CADM4: variants seen among roughly 807,000 people sequenced by gnomAD.
CADM4 encodes TSLC1-like 2.
CADM4 carries 13 observed loss-of-function variants against 43.9 expected under a neutral mutation model. The observed-to-expected ratio is 0.30, with a 90% CI of 0.19 to 0.47. The LOEUF is 0.47. Ranked by LOEUF, CADM4 falls within the 20% of genes least tolerant of loss-of-function variation. The pLI is 1.00. For missense variants in CADM4, 420 were observed against 527.0 expected (o/e 0.80, Z 1.99); for synonymous variants, 209 against 220.9 (o/e 0.95, Z 0.48).
At position 43,633,784 on chromosome 19, in the gene CADM4, G is replaced by A. The variant is rs148416950; in HGVS notation, c.64+5943C>T. On this transcript the variant is annotated intron_variant, in intron 1 of 8. Coordinates refer to ENST00000222374, the MANE Select transcript of CADM4 (RefSeq NM_145296.2). ...CAACCTTGAACATGTGGGCTCAAGCGATCCTCCCACCTCAGGCTACCAAAT... is the reference window on the plus strand; with the variant it reads ...CAACCTTGAACATGTGGGCTCAAGCAATCCTCCCACCTCAGGCTACCAAAT... Among the ~76,000 whole-genome samples the A allele has an allele frequency of 3.2e-3, 477 of 151,122 alleles. 1 individual carries two copies. The highest frequency in any genetic ancestry group is 0.011 in the African/African-American group (435 of 41,116).
chr19:43,633,626 G>A (rs193176057), intron 1 of CADM4, among the ~76,000 whole-genome samples: 198 of 151,914 alleles, frequency 1.3e-3, no homozygotes, highest in African/African-American at 4.6e-3. Context: ...ATATCTGTTC[G>A]TCTTTCTTCT....
Position 43,627,524 on chromosome 19 carries a change from CCTTT to C in CADM4, c.211+116_211+119del. 7.7e-7 allele frequency: 1 copy of C among 1,295,050 alleles called. No homozygotes were observed. Among genetic ancestry groups the C allele is most frequent in the Non-Finnish European group, 1.0e-6 (1 of 952,554 alleles). 80.2% of individuals were successfully genotyped at this position (1,295,050 alleles called of 1,614,324 possible). Reference sequence around the variant, plus strand: ...AGGACCAGCAGTCCGGGACCCCAGCCCTTTCTTCTCCGAGACCCAGGAGACCAAA... The same window carrying C: ...AGGACCAGCAGTCCGGGACCCCAGCCCTTCTCCGAGACCCAGGAGACCAAA... On this transcript the variant is annotated intron_variant, in intron 2 of 8. Transcript: ENST00000222374. This position sits in a 1 kb window ranked among gnomAD's most constrained non-coding sequence, Gnocchi z 4.0.
chr19:43,639,326 A>C (rs1202001782), intron 1 of CADM4, among the ~76,000 whole-genome samples: 3 of 146,850 alleles, frequency 2.0e-5, no homozygotes, highest in Non-Finnish European at 4.5e-5. Flanking sequence ...GAGGGACAGG[A>C]CTTCGAGACT....
intron 1 of CADM4, among the ~76,000 whole-genome samples, chr19:43,630,914 T>C (rs1408850895): frequency 6.6e-6 from 1 of 152,166 alleles, no homozygotes; most frequent in Non-Finnish European, 1.5e-5. Context: ...TACATTCAGG[T>C]GCTGGGTTGC....
intron 1 of CADM4, among the ~76,000 whole-genome samples, chr19:43,639,000 AG>A (rs1280207546): frequency 1.3e-5 from 2 of 152,084 alleles, no homozygotes; most frequent in African/African-American, 4.8e-5. Context: ...GGGACAGAGA[AG>A]GGGGAAAGAG....
At chr19:43,629,917 A>AATT (rs1973592053) in intron 1 of CADM4, among the ~76,000 whole-genome samples, 1 of 150,876 alleles carries the variant, frequency 6.6e-6, no homozygotes, top group African/African-American at 2.4e-5. Context: ...GCGCCTGGCC[A>AATT]ATTATTATTA....
intron 1 of CADM4, among the ~76,000 whole-genome samples, chr19:43,632,499 C>A (rs1159956505): frequency 2.6e-5 from 4 of 152,130 alleles, no homozygotes; most frequent in Admixed American, 6.6e-5. Flanking sequence ...AAAATAGAGA[C>A]CCCTTCCCGG....
rs776261872 is a variant in CADM4, at chr19:43,626,827, C to T, written c.456G>A (p.Pro152=). Residue 152 remains proline (P), a synonymous_variant, in exon 4 of 9, where the codon CCG becomes CCA. Coordinates refer to ENST00000222374, the MANE Select transcript of CADM4 (RefSeq NM_145296.2). This position sits in a 1 kb window ranked among gnomAD's most constrained non-coding sequence, Gnocchi z 5.9. ...ELSCLVPRSR[P]AATLRWYRDR... ...CCCGGTACCAGCGCAGGGTGGCAGC[C>T]GGACGGGACCGCGGAACGAGGCAGC... 8 of 1,610,022 alleles carry T rather than the reference C, an allele frequency of 5.0e-6. No individual in the cohort carries two copies. Among genetic ancestry groups the T allele is most frequent in the Admixed American group, 1.7e-5 (1 of 59,706 alleles).
In CADM4 at chr19:43,625,329, T is replaced by G. The variant is rs571564620; in HGVS notation, c.756-79A>C. ...TTCTGACTTGTCAAGAATCTAGACA[T>G]GCAACTCTCATCCCGCAGGGACCTC... On this transcript the variant is annotated intron_variant, in intron 6 of 8. Transcript: ENST00000222374. This position sits in a 1 kb window ranked among gnomAD's most constrained non-coding sequence, Gnocchi z 4.5. The G allele has an allele frequency of 7.1e-7, 1 of 1,416,292 alleles. No individual in the cohort carries two copies. Among genetic ancestry groups the G allele is most frequent in the East Asian group, 2.4e-5 (1 of 42,144 alleles). 87.7% of individuals were successfully genotyped at this position (1,416,292 alleles called of 1,614,324 possible).
In CADM4 at chr19:43,623,104, G is replaced by T; in HGVS notation, c.*226C>A. ...CTGGACTTGGGGGGTCTGGACCTTT[G>T]GCCCCTGCCCCCTGGGGGACCCAGA... On this transcript the variant is annotated 3_prime_UTR_variant, in exon 9 of 9. Transcript: ENST00000222374. The surrounding 1 kb of genome is among the most constrained non-coding windows in gnomAD (Gnocchi z 4.4). The T allele has an allele frequency of 1.9e-6, 1 of 538,366 alleles. No individual in the cohort carries two copies. 33.3% of individuals were successfully genotyped at this position (538,366 alleles called of 1,614,324 possible). A position where few individuals can be genotyped will look rare whatever the true frequency, so the allele number is the denominator to read the frequency against.
In CADM4 at chr19:43,624,099, C is replaced by A. The variant is rs1006677195; in HGVS notation, c.1057+15G>T. ...CAACCAACCAACCGTAGAGTCCAGGCCCCGTCCCACTCACCCTTCTGCCGT... is the reference window on the plus strand; with the variant it reads ...CAACCAACCAACCGTAGAGTCCAGGACCCGTCCCACTCACCCTTCTGCCGT... On this transcript the variant is annotated intron_variant, in intron 8 of 8. Coordinates refer to ENST00000222374, the MANE Select transcript of CADM4 (RefSeq NM_145296.2). 1.9e-6 allele frequency: 3 copies of A among 1,613,896 alleles called. No individual in the cohort carries two copies. The African/African-American group carries it at 4.0e-5, about 22-fold the overall frequency.
upstream of CADM4, among the ~76,000 whole-genome samples, chr19:43,640,930 G>A (rs1157345706): frequency 1.3e-5 from 2 of 152,106 alleles, no homozygotes; most frequent in Non-Finnish European, 2.9e-5. Context: ...CAGGCAAACT[G>A]AGGTCCAGAA....
In CADM4 at chr19:43,622,972, C is replaced by CCA. The variant is rs397964682; in HGVS notation, c.*357_*358insTG. On this transcript the variant is annotated 3_prime_UTR_variant, in exon 9 of 9. Coordinates refer to ENST00000222374, the MANE Select transcript of CADM4 (RefSeq NM_145296.2). ...CTGTGTTCCCCTTCCCTGCCCCCCC[C>CCA]ACCCTTCCCAGAAACTGACCCCCTC... 13 of 148,716 alleles carry CCA rather than the reference C, an allele frequency of 8.7e-5. No homozygotes were observed. Among genetic ancestry groups the CCA allele is most frequent in the African/African-American group, 3.1e-4 (12 of 38,870 alleles). 9.2% of individuals were successfully genotyped at this position (148,716 alleles called of 1,614,324 possible).
In CADM4 at chr19:43,625,166, AC is replaced by A; in HGVS notation, c.839del (p.Gly280ValfsTer36). ...AGGTGCCGTTATCCGCGGATACCAG[AC>A]CCGGCAGCGTGAGCGTCTCTCCCAC... ...EAVGETLTLPGLVSADNGTYT... is the reference protein window; with the variant it reads ...EAVGETLTLPXLVSADNGTYT... On this transcript the variant is annotated frameshift_variant, in exon 7 of 9. Transcript: ENST00000222374. LOFTEE classifies it high-confidence loss of function. The surrounding 1 kb of genome is among the most constrained non-coding windows in gnomAD (Gnocchi z 4.5). 1 of 1,613,958 alleles carries A rather than the reference AC, an allele frequency of 6.2e-7. No homozygotes were observed. The highest frequency in any genetic ancestry group is 8.5e-7 in the Non-Finnish European group (1 of 1,179,956).
intron 1 of CADM4, among the ~76,000 whole-genome samples, chr19:43,637,059 A>G (rs1051987751): frequency 6.6e-6 from 1 of 151,862 alleles, no homozygotes; most frequent in African/African-American, 2.4e-5. Flanking sequence ...TGCGGGTCCC[A>G]TTTCTGCCTG....
Position 43,623,159 on chromosome 19 carries a change from G to T in CADM4, c.*171C>A. ...TGGGCCCTCACTTCTGGCCCTTACA[G>T]AGATCCAGGCATCCAACACCCCCAT... is the stretch of plus-strand genomic sequence containing the variant. On this transcript the variant is annotated 3_prime_UTR_variant, in exon 9 of 9. Coordinates refer to ENST00000222374, the MANE Select transcript of CADM4 (RefSeq NM_145296.2). The surrounding 1 kb of genome is among the most constrained non-coding windows in gnomAD (Gnocchi z 4.4). 1 of 618,838 alleles carries T rather than the reference G, an allele frequency of 1.6e-6. No individual in the cohort carries two copies. The allele number at this position is 618,838 out of a possible 1,614,324, so 38.3% of individuals were successfully genotyped here.
At chr19:43,634,551 AAC>A (rs1490368969) in intron 1 of CADM4, among the ~76,000 whole-genome samples, 2 of 151,304 alleles carry the variant, frequency 1.3e-5, no homozygotes, top group African/African-American at 4.9e-5. Context: ...GTCAGTAACC[AAC>A]AGTGTCTGTG....
rs1973466951 is a variant in CADM4, at chr19:43,623,243, T to C, written c.*87A>G. On this transcript the variant is annotated 3_prime_UTR_variant, in exon 9 of 9. Transcript: ENST00000222374. The surrounding 1 kb of genome is among the most constrained non-coding windows in gnomAD (Gnocchi z 4.4). ...GGGAGAAGCCCACCATCCCAGACTC[T>C]GGTAAATGTCTTTGCTGGTTCCTTG... The C allele has an allele frequency of 1.3e-5, 12 of 946,342 alleles. No homozygotes were observed. The highest frequency in any genetic ancestry group is 2.4e-5 in the East Asian group (1 of 41,818). 58.6% of individuals were successfully genotyped at this position (946,342 alleles called of 1,614,324 possible). A position where few individuals can be genotyped will look rare whatever the true frequency, so the allele number is the denominator to read the frequency against.
intron 1 of CADM4, among the ~76,000 whole-genome samples, chr19:43,636,269 G>A (rs547499599): frequency 6.6e-6 from 1 of 152,196 alleles, no homozygotes; most frequent in South Asian, 2.1e-4. Flanking sequence ...GGACTCCCTG[G>A]ATTCCAGGCC....
Sources: allele counts gnomAD v4.1 joint callset (sites outside exome capture counted in the v4.1 genomes callset), GRCh38; gene constraint gnomAD v4.1.1; non-coding constraint Gnocchi (gnomAD v3.1); transcripts MANE v1.5; gene names NCBI Gene and HGNC (gene_info 2026-07-23, HGNC 2026-07-21).